The following EDA variants were observed in gnomAD, a reference collection of about 807,000 sequenced individuals.
The protein encoded by EDA is ectodysplasin A.
Under a neutral mutation model 23.6 loss-of-function variants are expected in EDA, and 2 were observed. The ratio of observed to expected loss-of-function variants is 0.08; its 90% CI spans 0.03 to 0.27. The LOEUF is 0.27. EDA is among the 10% of genes least tolerant of loss of function. EDA has a pLI of 1.00. For missense variants in EDA, 229 were observed against 324.2 expected (o/e 0.71, Z 2.26); for synonymous variants, 131 against 132.0 (o/e 0.99, Z 0.05).
chrX:69,690,058 T>TTGTG (rs58437044), intron 1 of EDA, among the ~76,000 whole-genome samples: 29 of 107,051 alleles, frequency 2.7e-4, no homozygotes, highest in East Asian at 8.7e-4. Context: ...AGTAGGGTCT[T>TTGTG]TGTGTGTGTG....
intron 1 of EDA, among the ~76,000 whole-genome samples, chrX:69,677,530 G>A (rs1175206374): frequency 9.9e-5 from 11 of 111,514 alleles, no homozygotes; most frequent in Non-Finnish European, 2.1e-4. Flanking sequence ...TCTAACTGGT[G>A]TGAGATGGTA....
chrX:69,755,357 C>T (rs1335461696), intron 1 of EDA, among the ~76,000 whole-genome samples: 6 of 111,587 alleles, frequency 5.4e-5, no homozygotes, highest in Non-Finnish European at 1.1e-4. Flanking sequence ...AGGGTATCAC[C>T]AGCAGAGGCT....
chrX:69,839,362 C>G, intron 1 of EDA, among the ~76,000 whole-genome samples: 1 of 111,735 alleles, frequency 8.9e-6, no homozygotes, highest in Non-Finnish European at 1.9e-5. Flanking sequence ...ACTTCCTACC[C>G]TATATCCCCA....
At chrX:69,677,243 A>G (rs1259120264) in intron 1 of EDA, among the ~76,000 whole-genome samples, 2 of 104,566 alleles carry the variant, frequency 1.9e-5, no homozygotes, top group African/African-American at 3.5e-5. Flanking sequence ...GGACATTTGG[A>G]TTGGTTCCAA....
chrX:69,738,054 T>C (rs1357117523), intron 1 of EDA, among the ~76,000 whole-genome samples: 1 of 111,653 alleles, frequency 9.0e-6, no homozygotes, highest in Non-Finnish European at 1.9e-5. Flanking sequence ...GTTTTCACTG[T>C]GTTTGTCTTG....
chrX:69,946,511 A>G (rs1240967844), intron 1 of EDA, among the ~76,000 whole-genome samples: 2 of 112,030 alleles, frequency 1.8e-5, no homozygotes, highest in African/African-American at 6.5e-5. Flanking sequence ...ATGTATTTCA[A>G]TATCAATGTA....
intron 1 of EDA, among the ~76,000 whole-genome samples, chrX:69,934,653 G>GTA (rs922687217): frequency 1.0e-4 from 11 of 110,292 alleles, no homozygotes; most frequent in South Asian, 3.8e-4. Context: ...TACATAGTAG[G>GTA]TATATATATA....
chrX:69,909,605 C>T (rs1347191005), intron 1 of EDA, among the ~76,000 whole-genome samples: 1 of 112,802 alleles, frequency 8.9e-6, no homozygotes, highest in East Asian at 2.8e-4. Flanking sequence ...GGCCCTTCTA[C>T]AATTATTTGT....
chrX:69,811,103 G>T (rs1462762639), intron 1 of EDA, among the ~76,000 whole-genome samples: 1 of 111,716 alleles, frequency 9.0e-6, no homozygotes, highest in Admixed American at 9.5e-5. Context: ...ATGCCACATG[G>T]TGACTACTCT....
chrX:69,692,533 T>C (rs1233939112), intron 1 of EDA, among the ~76,000 whole-genome samples: 1 of 111,931 alleles, frequency 8.9e-6, no homozygotes, highest in Non-Finnish European at 1.9e-5. Flanking sequence ...TCATTAGCAA[T>C]ATGATCTTGA....
At chrX:69,979,630 C>A (rs2019374244) in intron 2 of EDA, among the ~76,000 whole-genome samples, 2 of 111,472 alleles carry the variant, frequency 1.8e-5, no homozygotes, top group African/African-American at 6.5e-5. Flanking sequence ...TTTACATTTC[C>A]CTGATGACCG....
At chrX:69,716,210 T>G (rs1431364505) in intron 1 of EDA, among the ~76,000 whole-genome samples, 1 of 112,145 alleles carries the variant, frequency 8.9e-6, no homozygotes, top group African/African-American at 3.2e-5. Flanking sequence ...GGTTTTACAT[T>G]TCAGTCTTTA....
chrX:69,964,791 T>C lies in EDA; in HGVS notation c.502+7659T>C, dbSNP rs1471662358. 3.6e-5 allele frequency among the ~76,000 whole-genome samples: 4 copies of C among 111,684 alleles called. No individual in the cohort carries two copies. The Admixed American group carries it at 3.8e-4, about 11-fold the overall frequency. ...GCGGTCAGAAGGCACCTGTTGGCTC[T>C]GTAGTGTATTACTTACACAACCCTG... On this transcript the variant is annotated intron_variant, in intron 2 of 7. Coordinates refer to ENST00000374552, the MANE Select transcript of EDA (RefSeq NM_001399.5).
chrX:69,854,401 C>A (rs1157076850), intron 1 of EDA, among the ~76,000 whole-genome samples: 2 of 111,178 alleles, frequency 1.8e-5, no homozygotes, highest in Non-Finnish European at 3.8e-5. Flanking sequence ...ACCATGTTGG[C>A]CAGGCTGGTC....
chrX:69,999,958 A>G (rs1035104445), intron 2 of EDA, among the ~76,000 whole-genome samples: 1 of 112,010 alleles, frequency 8.9e-6, no homozygotes. Flanking sequence ...TTAATATTAT[A>G]TTATATCATC....
At chrX:69,793,341 C>G (rs1481916349) in intron 1 of EDA, among the ~76,000 whole-genome samples, 3 of 104,624 alleles carry the variant, frequency 2.9e-5, no homozygotes, top group African/African-American at 1.0e-4. Flanking sequence ...CTACAAGTAA[C>G]AGAAAACTCA....
chrX:69,935,146 A>G, intron 1 of EDA, among the ~76,000 whole-genome samples: 1 of 112,244 alleles, frequency 8.9e-6, no homozygotes, highest in Non-Finnish European at 1.9e-5. Context: ...GATAAATAGT[A>G]CTGCATTGTG....
At chrX:69,716,964 G>C (rs2804335) in intron 1 of EDA, among the ~76,000 whole-genome samples, 37,168 of 110,179 alleles carry the variant, frequency 0.34, 5,241 homozygotes, top group Middle Eastern at 0.57. Flanking sequence ...AGGAGCTTTT[G>C]GGCCAAGACT....
intron 1 of EDA, among the ~76,000 whole-genome samples, chrX:69,678,386 A>G (rs1287529308): frequency 1.2e-4 from 13 of 111,427 alleles, no homozygotes; most frequent in South Asian, 3.9e-4. Context: ...GATGGGGATG[A>G]CATTGAATCT....
Sources: allele counts gnomAD v4.1 joint callset (sites outside exome capture counted in the v4.1 genomes callset), GRCh38; gene constraint gnomAD v4.1.1; transcripts MANE v1.5; gene names NCBI Gene and HGNC (gene_info 2026-07-23, HGNC 2026-07-21).